Variants in SHISA6 observed in about 807,000 individuals in gnomAD.
SHISA6 encodes protein shisa-6.
A neutral mutation model predicts 47.9 loss-of-function variants in SHISA6; 22 were observed. That is an observed-to-expected ratio of 0.46 (90% confidence interval 0.33 to 0.66). The LOEUF is 0.66. Among genes scored for constraint, SHISA6 ranks in the 30% least tolerant of loss-of-function variants. SHISA6 has a pLI of 0.02. For missense variants in SHISA6, 680 were observed against 764.6 expected (o/e 0.89, Z 1.30); for synonymous variants, 388 against 337.8 (o/e 1.15, Z -1.63).
chr17:11,300,992 C>T (rs1909906161), intron 2 of SHISA6, among the ~76,000 whole-genome samples: 1 of 151,930 alleles, frequency 6.6e-6, no homozygotes, highest in Non-Finnish European at 1.5e-5. Flanking sequence ...CCTTTAATAC[C>T]AGTCAAGGGA....
At chr17:11,355,582 C>G (rs1404089235) in intron 2 of SHISA6, among the ~76,000 whole-genome samples, 1 of 152,154 alleles carries the variant, frequency 6.6e-6, no homozygotes, top group Non-Finnish European at 1.5e-5. Context: ...GAGCTCAAGC[C>G]ATGGCAGAAC....
intron 2 of SHISA6, among the ~76,000 whole-genome samples, chr17:11,326,361 C>CATGCACTCTTTGTTCACTCCTTT (rs1260288604): frequency 1.3e-5 from 2 of 151,960 alleles, no homozygotes; most frequent in East Asian, 3.9e-4. Flanking sequence ...CCTCTAAAGA[C>CATGCACTCTTTGTTCACTCCTTT]ATGCACTCTT....
intron 2 of SHISA6, among the ~76,000 whole-genome samples, chr17:11,312,173 A>G (rs1373766535): frequency 6.6e-6 from 1 of 152,044 alleles, no homozygotes; most frequent in Non-Finnish European, 1.5e-5. Flanking sequence ...TATTACTTAC[A>G]TGTTTTCTAA....
chr17:11,291,497 G>C (rs1256838897), intron 2 of SHISA6, among the ~76,000 whole-genome samples: 2 of 152,056 alleles, frequency 1.3e-5, no homozygotes, highest in Non-Finnish European at 2.9e-5. Flanking sequence ...AGCCGGGCAT[G>C]GTGGCGGGCG....
At chr17:11,378,216 G>A (rs916229909) in intron 2 of SHISA6, among the ~76,000 whole-genome samples, 15 of 151,986 alleles carry the variant, frequency 9.9e-5, no homozygotes, top group Admixed American at 4.6e-4. Flanking sequence ...ATATTCATAC[G>A]GAAAAAACAC....
At chr17:11,418,892 T>C (rs891903159) in intron 3 of SHISA6, among the ~76,000 whole-genome samples, 3 of 152,164 alleles carry the variant, frequency 2.0e-5, no homozygotes, top group Admixed American at 6.5e-5. Context: ...GCTCACCAGT[T>C]TGTACTAATT....
chr17:11,439,544 G>C (rs1251581871), intron 3 of SHISA6, among the ~76,000 whole-genome samples: 1 of 152,160 alleles, frequency 6.6e-6, no homozygotes, highest in Admixed American at 6.5e-5. Context: ...GTTGAATCAT[G>C]AATTTACAAC....
intron 2 of SHISA6, among the ~76,000 whole-genome samples, chr17:11,274,548 C>A (rs890245920): frequency 2.6e-5 from 4 of 152,096 alleles, no homozygotes; most frequent in African/African-American, 9.7e-5. Context: ...GAGAGCCCAG[C>A]CTCCATCTGA....
chr17:11,452,242 T>A (rs1915419476), intron 3 of SHISA6, among the ~76,000 whole-genome samples: 1 of 152,230 alleles, frequency 6.6e-6, no homozygotes, highest in South Asian at 2.1e-4. Flanking sequence ...CCTCTCAGTA[T>A]TTCTTTGTGG....
chr17:11,484,700 A>G (rs1270320471), intron 3 of SHISA6, among the ~76,000 whole-genome samples: 1 of 152,164 alleles, frequency 6.6e-6, no homozygotes, highest in African/African-American at 2.4e-5. Flanking sequence ...CACCCAGCCT[A>G]AAATAGGGTC....
intron 2 of SHISA6, among the ~76,000 whole-genome samples, chr17:11,265,854 G>T (rs979024423): frequency 2.0e-5 from 3 of 152,120 alleles, no homozygotes; most frequent in Non-Finnish European, 4.4e-5. Context: ...CATTTCTTCT[G>T]GTTTCTGTAT....
intron 3 of SHISA6, among the ~76,000 whole-genome samples, chr17:11,551,281 T>G (rs186151989): frequency 7.2e-4 from 110 of 152,332 alleles, no homozygotes; most frequent in Non-Finnish European, 1.4e-3. Context: ...CTAAGTGGAA[T>G]ATTATTAATA....
intron 1 of SHISA6, 54 bp from the exon 2 acceptor site, chr17:11,263,312 T>C: frequency 6.5e-7 from 1 of 1,537,496 alleles, no homozygotes; most frequent in Non-Finnish European, 8.8e-7. Flanking sequence ...ACTCCCCTCA[T>C]GGTTGTGCAC....
chr17:11,515,327 A>AGGAG (rs1393255328), intron 3 of SHISA6, among the ~76,000 whole-genome samples: 1 of 130,234 alleles, frequency 7.7e-6, no homozygotes, highest in East Asian at 2.2e-4. Flanking sequence ...GAAGGAAGGA[A>AGGAG]GGAAGGAAGG....
intron 2 of SHISA6, among the ~76,000 whole-genome samples, chr17:11,319,547 T>C (rs905955740): frequency 6.6e-6 from 1 of 152,238 alleles, no homozygotes; most frequent in Admixed American, 6.5e-5. Flanking sequence ...TTCATACTGC[T>C]GTTCTCCTTG....
At position 11,314,584 on chromosome 17, in the gene SHISA6, C is replaced by T. The variant is rs868710351; in HGVS notation, c.799+51058C>T. ...GAGTCCCGCTCTTGTTCCCCAGGCTCGAGTACAATGGCACAGTCTCGGCTC... is the reference window on the plus strand; with the variant it reads ...GAGTCCCGCTCTTGTTCCCCAGGCTTGAGTACAATGGCACAGTCTCGGCTC... On this transcript the variant is annotated intron_variant, in intron 2 of 5. Coordinates refer to ENST00000441885, the MANE Select transcript of SHISA6 (RefSeq NM_207386.4). Among the ~76,000 whole-genome samples the T allele has an allele frequency of 4.7e-5, 7 of 149,228 alleles. No individual in the cohort carries two copies. In the Middle Eastern group the frequency reaches 0.01, roughly 224 times the overall value.
intron 3 of SHISA6, among the ~76,000 whole-genome samples, chr17:11,541,103 C>T (rs188908743): frequency 6.6e-6 from 1 of 152,122 alleles, no homozygotes; most frequent in Non-Finnish European, 1.5e-5. Flanking sequence ...TGAACTTGAT[C>T]AAGAGATTTT....
At chr17:11,359,792 A>G (rs1293172910) in intron 2 of SHISA6, among the ~76,000 whole-genome samples, 2 of 152,186 alleles carry the variant, frequency 1.3e-5, no homozygotes, top group African/African-American at 2.4e-5. Flanking sequence ...GGGTCATGTG[A>G]TACAAGCAAC....
At chr17:11,251,184 G>A (rs1426016058) in intron 1 of SHISA6, among the ~76,000 whole-genome samples, 11 of 152,016 alleles carry the variant, frequency 7.2e-5, no homozygotes, top group Non-Finnish European at 1.5e-4. Context: ...AGAAAGCAAA[G>A]ACCTACCTTC....
Sources: allele counts gnomAD v4.1 joint callset (sites outside exome capture counted in the v4.1 genomes callset), GRCh38; gene constraint gnomAD v4.1.1; transcripts MANE v1.5; gene names NCBI Gene and HGNC (gene_info 2026-07-23, HGNC 2026-07-21).